Variants in SCAPER observed in about 807,000 individuals in gnomAD.
The protein encoded by SCAPER is S phase cyclin A-associated protein in the endoplasmic reticulum.
Under a neutral mutation model 182.2 loss-of-function variants are expected in SCAPER, and 98 were observed. That is an observed-to-expected ratio of 0.54 (90% CI 0.46 to 0.64). The LOEUF is 0.64. Among genes scored for constraint, SCAPER ranks in the 30% least tolerant of loss-of-function variants. The probability of loss-of-function intolerance (pLI) is 0.00; values close to 1 mark genes in which losing one functional copy is unlikely to be tolerated. For synonymous variants in SCAPER, 605 were observed against 564.6 expected (o/e 1.07, Z -1.01); for missense variants, 1,432 against 1,690.0 (o/e 0.85, Z 2.68).
Position 76,555,220 on chromosome 15 carries a change from C to T in SCAPER, c.2838+18938G>A, listed in dbSNP as rs994296012. ...ATTCATTACCAGCAGAACTCCTCTA[C>T]GAAAGGTCCTTATGGGAGTGCTAAA... On this transcript the variant is annotated intron_variant, in intron 23 of 31. Transcript: ENST00000563290. Among the ~76,000 whole-genome samples the T allele has an allele frequency of 5.9e-5, 9 of 152,270 alleles. No homozygotes were observed. The South Asian group carries it at 8.3e-4, about 14-fold the overall frequency.
intron 23 of SCAPER, among the ~76,000 whole-genome samples, chr15:76,565,885 G>A (rs1032666141): frequency 6.6e-6 from 1 of 152,018 alleles, no homozygotes; most frequent in African/African-American, 2.4e-5. Context: ...CAAAATATGG[G>A]TGTCATACCA....
chr15:76,663,866 A>G (rs1319615927), intron 21 of SCAPER, among the ~76,000 whole-genome samples: 1 of 152,190 alleles, frequency 6.6e-6, no homozygotes, highest in Non-Finnish European at 1.5e-5. Flanking sequence ...TCATACATCA[A>G]TGAAAAAAGT....
chr15:76,545,906 A>G (rs1199541699), intron 23 of SCAPER, among the ~76,000 whole-genome samples: 2 of 152,164 alleles, frequency 1.3e-5, no homozygotes, highest in Admixed American at 1.3e-4. Flanking sequence ...GAAACTCCAT[A>G]AGGCAAAAAA....
Position 76,428,894 on chromosome 15 carries a change from A to ATATATATATATATATATATATAT in SCAPER, c.3311+5183_3311+5184insATATATATATATATATATATATA, listed in dbSNP as rs71143324. On this transcript the variant is annotated intron_variant, in intron 26 of 31. Coordinates refer to ENST00000563290, the MANE Select transcript of SCAPER (RefSeq NM_020843.4). ...TATATATATATATATATATATATATAAACATCAAAATGTACTCAGTAAGTT... is the reference window on the plus strand; with the variant it reads ...TATATATATATATATATATATATATATATATATATATATATATATATATAACATCAAAATGTACTCAGTAAGTT... Among the ~76,000 whole-genome samples the ATATATATATATATATATATATAT allele has an allele frequency of 2.9e-3, 398 of 137,830 alleles. 2 individuals are homozygous for ATATATATATATATATATATATAT. The highest frequency in any genetic ancestry group is 3.8e-3 in the Non-Finnish European group (243 of 64,488). The allele number at this position is 137,830 out of a possible 152,430, so 90.4% of individuals were successfully genotyped here.
chr15:76,566,271 A>T (rs1486237389), intron 23 of SCAPER, among the ~76,000 whole-genome samples: 1 of 152,158 alleles, frequency 6.6e-6, no homozygotes, highest in Non-Finnish European at 1.5e-5. Flanking sequence ...TTTTGAAAAT[A>T]CCAAAGCATG....
chr15:76,902,672 C>T (rs1475239596), intron 1 of SCAPER, among the ~76,000 whole-genome samples: 1 of 152,098 alleles, frequency 6.6e-6, no homozygotes, highest in Non-Finnish European at 1.5e-5. Flanking sequence ...TAAATAATAC[C>T]CCCACTTTCT....
intron 23 of SCAPER, among the ~76,000 whole-genome samples, chr15:76,525,903 A>C (rs1390520654): frequency 6.6e-6 from 1 of 152,168 alleles, no homozygotes; most frequent in Non-Finnish European, 1.5e-5. Flanking sequence ...GTCAAATGGT[A>C]GATCTGTTTT....
intron 16 of SCAPER, among the ~76,000 whole-genome samples, chr15:76,732,553 T>C (rs1349572609): frequency 2.0e-5 from 3 of 152,064 alleles, no homozygotes; most frequent in African/African-American, 4.8e-5. Flanking sequence ...TCTGGGAAGA[T>C]GCTCATTGCC....
At chr15:76,683,603 T>C (rs2147034631) in intron 20 of SCAPER, among the ~76,000 whole-genome samples, 1 of 150,398 alleles carries the variant, frequency 6.6e-6, no homozygotes, top group South Asian at 2.1e-4. Flanking sequence ...AAACACAGAG[T>C]CATCAGGTTT....
At position 76,376,150 on chromosome 15, in the gene SCAPER, AG is replaced by A. The variant is rs903322022; in HGVS notation, c.3855+11del. The A allele has an allele frequency of 6.2e-7, 1 of 1,613,444 alleles. No homozygotes were observed. The highest frequency in any genetic ancestry group is 8.5e-7 in the Non-Finnish European group (1 of 1,179,658). ...GGGGGAGCAGTCTAAGGAACTTTCC[AG>A]GGCCTCTTACCTGGTTATCTGGGTG... is the stretch of plus-strand genomic sequence containing the variant. On this transcript the variant is annotated intron_variant, in intron 29 of 31. Transcript: ENST00000563290.
At chr15:76,524,800 A>T (rs1336899624) in intron 23 of SCAPER, among the ~76,000 whole-genome samples, 1 of 149,016 alleles carries the variant, frequency 6.7e-6, no homozygotes, top group Non-Finnish European at 1.5e-5. Context: ...TGAAAGATCT[A>T]GGGAATAAAT....
intron 1 of SCAPER, among the ~76,000 whole-genome samples, chr15:76,885,514 G>T (rs118090546): frequency 0.014 from 2,058 of 152,240 alleles, 29 homozygotes; most frequent in Non-Finnish European, 0.019. Context: ...GACAGGGTCT[G>T]GCTCTGTCGC....
chr15:76,702,177 CA>C, intron 19 of SCAPER, among the ~76,000 whole-genome samples: 1 of 151,126 alleles, frequency 6.6e-6, no homozygotes, highest in Non-Finnish European at 1.5e-5. Context: ...CAAAACAAAA[CA>C]AAAAAAAGAC....
At chr15:76,773,019 T>C (rs2151325054) in intron 9 of SCAPER, among the ~76,000 whole-genome samples, 1 of 152,010 alleles carries the variant, frequency 6.6e-6, no homozygotes, top group East Asian at 1.9e-4. Context: ...GTGTTGATTT[T>C]AGCATAAGCC....
Position 76,811,413 on chromosome 15 carries a change from G to C in SCAPER, c.394-6780C>G, listed in dbSNP as rs974244942. ...ACTCTTGAACCAATGGGGCAAAGAA[G>C]AAACCAAAAGAAAAGTTTTAAAATA... On this transcript the variant is annotated intron_variant, in intron 5 of 31. Transcript: ENST00000563290. 3.7e-4 allele frequency among the ~76,000 whole-genome samples: 57 copies of C among 152,152 alleles called. 1 individual carries two copies. The highest frequency in any genetic ancestry group is 2.6e-4 in the Non-Finnish European group (18 of 68,014).
intron 10 of SCAPER, 56 bp downstream of exon 10, chr15:76,771,683 GCTT>G (rs2063479391): frequency 1.6e-6 from 2 of 1,271,802 alleles, no homozygotes; most frequent in Non-Finnish European, 2.3e-6. Context: ...TGGGGTTTAT[GCTT>G]CTTAAATATA....
chr15:76,437,436 G>A (rs752209886), intron 25 of SCAPER, among the ~76,000 whole-genome samples: 2 of 151,982 alleles, frequency 1.3e-5, no homozygotes, highest in East Asian at 3.9e-4. Context: ...CTATTTACTA[G>A]AATATTAGTA....
chr15:76,541,516 C>T (rs962923696), intron 23 of SCAPER, among the ~76,000 whole-genome samples: 7 of 152,158 alleles, frequency 4.6e-5, no homozygotes, highest in Non-Finnish European at 8.8e-5. Flanking sequence ...TGGACATCAT[C>T]GAGATTTTCC....
At chr15:76,682,181 G>A (rs138320211) in intron 20 of SCAPER, among the ~76,000 whole-genome samples, 9 of 152,218 alleles carry the variant, frequency 5.9e-5, no homozygotes, top group African/African-American at 2.2e-4. Flanking sequence ...ACCTTCCCCA[G>A]GCACTTTGCC....
Sources: allele counts gnomAD v4.1 joint callset (sites outside exome capture counted in the v4.1 genomes callset), GRCh38; gene constraint gnomAD v4.1.1; transcripts MANE v1.5; gene names NCBI Gene and HGNC (gene_info 2026-07-23, HGNC 2026-07-21).